RAPGEF2: variants seen among roughly 807,000 people sequenced by gnomAD.
RAPGEF2 encodes Rap guanine nucleotide exchange factor 2, also known as PDZ domain containing guanine nucleotide exchange factor (GEF) 1.
In RAPGEF2, 54 loss-of-function variants were observed where a neutral mutation model predicts 186.7. The ratio of observed to expected loss-of-function variants is 0.29; its 90% confidence interval spans 0.23 to 0.36. The LOEUF is 0.36. RAPGEF2 is among the 10% of genes least tolerant of loss of function. RAPGEF2 has a pLI of 1.00. For synonymous variants in RAPGEF2, 712 were observed against 705.9 expected, an observed-to-expected ratio of 1.01 and a Z score of -0.14; for missense variants, 1,532 against 2,045.0, an observed-to-expected ratio of 0.75 and a Z score of 4.84.
Position 159,286,797 on chromosome 4 carries a change from T to A in RAPGEF2, c.544-17545T>A, listed in dbSNP as rs368747323. On this transcript the variant is annotated intron_variant, in intron 7 of 29. Coordinates refer to ENST00000691494, the MANE Select transcript of RAPGEF2 (RefSeq NM_001394067.2). ...GCTATAGGAGGTTTTCCTCGGGCATTTCTGTTACACCATATTATTCTAATT... is the reference window on the plus strand; with the variant it reads ...GCTATAGGAGGTTTTCCTCGGGCATATCTGTTACACCATATTATTCTAATT... Among the ~76,000 whole-genome samples, 18 of 152,342 alleles carry A rather than the reference T, an allele frequency of 1.2e-4. No homozygotes were observed. The East Asian group carries it at 1.7e-3, about 15-fold the overall frequency.
At chr4:159,250,844 C>T (rs889813043) in intron 7 of RAPGEF2, among the ~76,000 whole-genome samples, 8 of 152,066 alleles carry the variant, frequency 5.3e-5, no homozygotes, top group South Asian at 2.1e-4. Context: ...CCCTTCAGAC[C>T]GCCACTGCGC....
intron 4 of RAPGEF2, among the ~76,000 whole-genome samples, chr4:159,226,744 T>C (rs1166084338): frequency 6.6e-6 from 1 of 152,126 alleles, no homozygotes; most frequent in Non-Finnish European, 1.5e-5. Flanking sequence ...AAGTAATAGG[T>C]TTTTACCACT....
intron 19 of RAPGEF2, among the ~76,000 whole-genome samples, chr4:159,340,510 A>G (rs999182858): frequency 6.6e-5 from 10 of 152,140 alleles, no homozygotes; most frequent in African/African-American, 2.4e-4. Context: ...CGCAAAGTAT[A>G]TATTTTCTGT....
Position 159,103,343 on chromosome 4 carries a change from C to T in RAPGEF2, c.-820C>T, listed in dbSNP as rs1330419505. On this transcript the variant is annotated 5_prime_UTR_variant, in exon 1 of 30. Coordinates refer to ENST00000691494, the MANE Select transcript of RAPGEF2 (RefSeq NM_001394067.2). ...CAGCCCGGGCCGGGTGCTCTGGCCGCGGCGGCGCCGGCGCCGGGGCAGCTC... is the reference window on the plus strand; with the variant it reads ...CAGCCCGGGCCGGGTGCTCTGGCCGTGGCGGCGCCGGCGCCGGGGCAGCTC... 6.6e-6 allele frequency: 1 copy of T among 151,442 alleles called. No homozygotes were observed. The highest frequency in any genetic ancestry group is 2.0e-4 in the East Asian group (1 of 5,128). 9.4% of individuals were successfully genotyped at this position (151,442 alleles called of 1,614,324 possible).
intron 7 of RAPGEF2, among the ~76,000 whole-genome samples, chr4:159,295,769 G>T (rs1048721959): frequency 6.8e-6 from 1 of 146,444 alleles, no homozygotes; most frequent in Admixed American, 6.7e-5. Context: ...GCGCGCGCGC[G>T]CGCGCATGCA....
intron 4 of RAPGEF2, among the ~76,000 whole-genome samples, chr4:159,236,734 CA>C (rs1211524816): frequency 1.3e-5 from 2 of 151,938 alleles, no homozygotes; most frequent in Non-Finnish European, 2.9e-5. Context: ...AATTAAATTG[CA>C]AATAGGTAGA....
At chr4:159,217,376 A>T (rs138336641) in intron 4 of RAPGEF2, among the ~76,000 whole-genome samples, 2 of 152,114 alleles carry the variant, frequency 1.3e-5, no homozygotes. Flanking sequence ...GTTTATGTCC[A>T]TGAGTACCTA....
chr4:159,153,309 C>T (rs1291858374), intron 1 of RAPGEF2, among the ~76,000 whole-genome samples: 1 of 152,124 alleles, frequency 6.6e-6, no homozygotes, highest in Non-Finnish European at 1.5e-5. Context: ...CACCCACCCC[C>T]CACCTGAGAG....
At chr4:159,212,538 C>T (rs1297263335) in intron 4 of RAPGEF2, among the ~76,000 whole-genome samples, 1 of 152,004 alleles carries the variant, frequency 6.6e-6, no homozygotes, top group African/African-American at 2.4e-5. Flanking sequence ...AATTTAATGT[C>T]TTCCTTATTC....
intron 9 of RAPGEF2, among the ~76,000 whole-genome samples, chr4:159,319,301 C>T (rs1764963229): frequency 6.6e-6 from 1 of 152,152 alleles, no homozygotes. Flanking sequence ...GCATTAGTTT[C>T]ATAAGAGTGC....
chr4:159,344,354 G>A (rs774231181), intron 23 of RAPGEF2, among the ~76,000 whole-genome samples: 4 of 152,026 alleles, frequency 2.6e-5, no homozygotes, highest in African/African-American at 9.7e-5. Flanking sequence ...GGTGTGTCTC[G>A]AAATGCAGAA....
intron 5 of RAPGEF2, among the ~76,000 whole-genome samples, chr4:159,239,525 A>C (rs570663034): frequency 6.6e-6 from 1 of 152,312 alleles, no homozygotes; most frequent in Admixed American, 6.5e-5. Context: ...TTTTTAATGT[A>C]ATTTTGTGAC....
rs58657301 is a variant in RAPGEF2 at position 159,261,284 on chromosome 4, C to A, written c.543+17493C>A. Among the ~76,000 whole-genome samples, 828 of 150,202 alleles carry A rather than the reference C, an allele frequency of 5.5e-3. 6 individuals are homozygous for A. Among genetic ancestry groups the A allele is most frequent in the African/African-American group, 0.019 (774 of 40,952 alleles). On this transcript the variant is annotated intron_variant, in intron 7 of 29. Transcript: ENST00000691494. ...TCACTGTGTTAGCCAGGATGGTCTC[C>A]ATCTCCTGACCTTGTGATTCGCCCA...
At chr4:159,174,076 C>T (rs1746196060) in intron 1 of RAPGEF2, among the ~76,000 whole-genome samples, 1 of 152,156 alleles carries the variant, frequency 6.6e-6, no homozygotes, top group Non-Finnish European at 1.5e-5. Context: ...TGGACACTTT[C>T]TCTTTTCTTA....
chr4:159,284,224 C>G (rs1760124253), intron 7 of RAPGEF2, among the ~76,000 whole-genome samples: 1 of 152,076 alleles, frequency 6.6e-6, no homozygotes, highest in Non-Finnish European at 1.5e-5. Context: ...AGAAAAGCAC[C>G]TACCTTCGCC....
At chr4:159,252,277 T>G (rs917473932) in intron 7 of RAPGEF2, among the ~76,000 whole-genome samples, 1 of 152,214 alleles carries the variant, frequency 6.6e-6, no homozygotes, top group South Asian at 2.1e-4. Context: ...TTTGAACTCC[T>G]GAGCTCAAGC....
At chr4:159,227,325 G>A (rs1242613831) in intron 4 of RAPGEF2, among the ~76,000 whole-genome samples, 1 of 152,042 alleles carries the variant, frequency 6.6e-6, no homozygotes, top group Non-Finnish European at 1.5e-5. Flanking sequence ...TGTTTATTTT[G>A]CTTCTTGAAT....
chr4:159,204,359 A>G (rs1031280664), intron 3 of RAPGEF2, among the ~76,000 whole-genome samples: 1 of 152,184 alleles, frequency 6.6e-6, no homozygotes, highest in Non-Finnish European at 1.5e-5. Context: ...CTTGAACAGC[A>G]TGGCAGAGTT....
chr4:159,182,024 A>G (rs779720350), intron 1 of RAPGEF2, among the ~76,000 whole-genome samples: 4 of 152,174 alleles, frequency 2.6e-5, no homozygotes, highest in Non-Finnish European at 5.9e-5. Flanking sequence ...TTGCTTTTCT[A>G]AAGGAGGGGT....
Sources: allele counts gnomAD v4.1 joint callset (sites outside exome capture counted in the v4.1 genomes callset), GRCh38; gene constraint gnomAD v4.1.1; transcripts MANE v1.5; gene names NCBI Gene and HGNC (gene_info 2026-07-23, HGNC 2026-07-21).